Variants in EIPR1 observed in about 807,000 individuals in gnomAD.
The protein encoded by EIPR1 is EARP complex and GARP complex interacting protein 1.
A neutral mutation model predicts 48.1 loss-of-function variants in EIPR1; 25 were observed. That is an observed-to-expected ratio of 0.52 (90% CI 0.38 to 0.73). The LOEUF is 0.73. Ranked by LOEUF, EIPR1 falls within the 30% of genes least tolerant of loss-of-function variation. The pLI is 0.00. For missense variants in EIPR1, 415 were observed against 506.2 expected (o/e 0.82, Z 1.73); for synonymous variants, 204 against 201.9 (o/e 1.01, Z -0.09).
chr2:3,208,378 T>C, intron 5 of EIPR1: 1 of 1,342,298 alleles, frequency 7.4e-7, no homozygotes, highest in South Asian at 1.5e-5. Context: ...TTATAGGGCA[T>C]CAGACCTGAC....
At chr2:3,346,095 C>T (rs1670392416) in intron 2 of EIPR1, among the ~76,000 whole-genome samples, 1 of 152,260 alleles carries the variant, frequency 6.6e-6, no homozygotes, top group Admixed American at 6.5e-5. Context: ...ACACCCTGCC[C>T]ACCCCCTACA....
chr2:3,219,410 A>T (rs1665783815), intron 4 of EIPR1, among the ~76,000 whole-genome samples: 1 of 150,650 alleles, frequency 6.6e-6, no homozygotes, highest in African/African-American at 2.5e-5. Flanking sequence ...TTTCACAGTG[A>T]GTGAGTCAGG....
chr2:3,210,878 A>T (rs1261764160), intron 5 of EIPR1, among the ~76,000 whole-genome samples: 1 of 151,974 alleles, frequency 6.6e-6, no homozygotes, highest in Non-Finnish European at 1.5e-5. Context: ...ATGTAAGGTG[A>T]TCCACCCGCC....
intron 5 of EIPR1, among the ~76,000 whole-genome samples, chr2:3,197,218 C>T (rs191891571): frequency 2.6e-5 from 4 of 152,236 alleles, no homozygotes; most frequent in Admixed American, 1.3e-4. Context: ...AAACTGAGCA[C>T]AGCAAAAAAT....
intron 2 of EIPR1, among the ~76,000 whole-genome samples, chr2:3,340,289 T>C (rs1670196188): frequency 6.6e-6 from 1 of 151,994 alleles, no homozygotes; most frequent in African/African-American, 2.4e-5. Flanking sequence ...CTCCCAGGAG[T>C]AGAGCGGGCC....
At chr2:3,319,153 C>T (rs1669412278) in intron 3 of EIPR1, 1 of 342,728 alleles carries the variant, frequency 2.9e-6, no homozygotes. Flanking sequence ...ACATCTCCAT[C>T]CTGCGTGACA....
chr2:3,193,738 T>TTA (rs372507550), intron 7 of EIPR1, among the ~76,000 whole-genome samples: 10 of 152,360 alleles, frequency 6.6e-5, no homozygotes, highest in African/African-American at 2.4e-4. Context: ...TGAACATCTG[T>TTA]GCACATTTAT....
intron 2 of EIPR1, among the ~76,000 whole-genome samples, chr2:3,347,328 G>A (rs1050449270): frequency 1.3e-5 from 2 of 152,194 alleles, no homozygotes; most frequent in Non-Finnish European, 1.5e-5. Context: ...CCCATGTGTT[G>A]TGGGACGAAC....
chr2:3,298,255 G>A (rs189409133), intron 3 of EIPR1: 2 of 152,304 alleles, frequency 1.3e-5, no homozygotes, highest in African/African-American at 4.8e-5. Context: ...TTATTTATAT[G>A]TCTATTACAG....
intron 3 of EIPR1, among the ~76,000 whole-genome samples, chr2:3,311,725 G>A (rs1468034524): frequency 6.6e-6 from 1 of 151,988 alleles, no homozygotes; most frequent in East Asian, 1.9e-4. Context: ...GTCACGAGGT[G>A]TGGGCGGCAG....
intron 3 of EIPR1, among the ~76,000 whole-genome samples, chr2:3,324,524 G>A (rs921740572): frequency 6.6e-6 from 1 of 152,234 alleles, no homozygotes; most frequent in African/African-American, 2.4e-5. Flanking sequence ...GTCTGTCCTG[G>A]GGGGATTCTC....
intron 1 of EIPR1, among the ~76,000 whole-genome samples, chr2:3,371,582 C>T (rs909591709): frequency 3.9e-5 from 6 of 152,110 alleles, no homozygotes; most frequent in Non-Finnish European, 5.9e-5. Flanking sequence ...GGTTGCAATC[C>T]TAGTCTCTGA....
At position 3,214,151 on chromosome 2, in the gene EIPR1, C is replaced by T; in HGVS notation, c.514G>A (p.Val172Met). ...GCTGTGTTGTTGCTTTTACTTACCACAGCCTGGCTCGAGCTTTCCTGTAAA... is the reference window on the plus strand; with the variant it reads ...GCTGTGTTGTTGCTTTTACTTACCATAGCCTGGCTCGAGCTTTCCTGTAAA... Reference protein sequence around the residue: ...WDLQESSSQAVLASSASLEGK... With the variant: ...WDLQESSSQAMLASSASLEGK... The change falls in exon 5 of 9, where the codon GTG becomes ATG. Residue 172 changes from valine (V) to methionine (M), a missense_variant and splice_region_variant. Physicochemically the swap from Val to Met is conservative, Grantham distance 21 (BLOSUM62 1). Coordinates refer to ENST00000382125, the MANE Select transcript of EIPR1 (RefSeq NM_003310.5). 6.2e-7 allele frequency: 1 copy of T among 1,613,296 alleles called. No individual in the cohort carries two copies. Among genetic ancestry groups the T allele is most frequent in the Middle Eastern group, 1.7e-4 (1 of 6,052 alleles).
At chr2:3,240,955 C>T (rs1666598365) in intron 4 of EIPR1, among the ~76,000 whole-genome samples, 1 of 116,788 alleles carries the variant, frequency 8.6e-6, no homozygotes, top group South Asian at 2.9e-4. Context: ...GCAAAGCCAG[C>T]AGATCCCTCC....
chr2:3,326,182 C>T (rs12611939), intron 3 of EIPR1, among the ~76,000 whole-genome samples: 15,017 of 152,254 alleles, frequency 0.099, 2,039 homozygotes, highest in East Asian at 0.57. Context: ...CCTGGAGTCC[C>T]GTCCTTGCAG....
intron 3 of EIPR1, among the ~76,000 whole-genome samples, chr2:3,307,998 G>A (rs375692771): frequency 6.6e-6 from 1 of 152,078 alleles, no homozygotes; most frequent in East Asian, 1.9e-4. Flanking sequence ...AACAGGCCTG[G>A]GAATGCTCTC....
intron 3 of EIPR1, among the ~76,000 whole-genome samples, chr2:3,306,050 A>G (rs1668934118): frequency 6.6e-6 from 1 of 152,220 alleles, no homozygotes; most frequent in African/African-American, 2.4e-5. Flanking sequence ...CGCCTTTTAC[A>G]AACAATACTG....
intron 2 of EIPR1, among the ~76,000 whole-genome samples, chr2:3,347,289 A>G (rs1345248686): frequency 1.3e-5 from 2 of 152,204 alleles, no homozygotes; most frequent in Non-Finnish European, 2.9e-5. Context: ...TGGTTTGACT[A>G]TGTCCCCACC....
intron 4 of EIPR1, among the ~76,000 whole-genome samples, chr2:3,243,839 A>C (rs1389410681): frequency 6.6e-6 from 1 of 152,124 alleles, no homozygotes; most frequent in Non-Finnish European, 1.5e-5. Context: ...ATGGGCTGTG[A>C]CGTACAGGGC....
Sources: allele counts gnomAD v4.1 joint callset (sites outside exome capture counted in the v4.1 genomes callset), GRCh38; gene constraint gnomAD v4.1.1; transcripts MANE v1.5; gene names NCBI Gene and HGNC (gene_info 2026-07-23, HGNC 2026-07-21).